Variants in RPTOR observed in about 807,000 individuals in gnomAD.
RPTOR encodes the protein regulatory associated protein of MTOR complex 1, also known as regulatory-associated protein of mTOR.
Under a neutral mutation model 169.9 loss-of-function variants are expected in RPTOR, and 21 were observed. That is an observed-to-expected ratio of 0.12 (90% confidence interval 0.09 to 0.18). The LOEUF (loss-of-function observed/expected upper bound fraction) is 0.18, where lower values mean the gene tolerates loss of function less well. Among genes scored for constraint, RPTOR ranks in the 10% least tolerant of loss-of-function variants. The pLI is 1.00. For synonymous variants in RPTOR, 732 were observed against 753.2 expected (o/e 0.97, Z 0.46); for missense variants, 1,133 against 1,855.9 (o/e 0.61, Z 7.16).
At chr17:80,815,685 A>G (rs891785399) in intron 7 of RPTOR, among the ~76,000 whole-genome samples, 2 of 152,284 alleles carry the variant, frequency 1.3e-5, no homozygotes, top group African/African-American at 4.8e-5. Flanking sequence ...CAGAAAATTA[A>G]CAGTGGAACA....
chr17:80,948,677 C>T (rs2138124), intron 27 of RPTOR: 51,095 of 152,412 alleles, frequency 0.34, 9,881 homozygotes, highest in East Asian at 0.55. Context: ...GAGGTGAGGC[C>T]GTCGTCCACC....
chr17:80,621,686 C>T (rs1395269377), intron 1 of RPTOR, among the ~76,000 whole-genome samples: 3 of 152,214 alleles, frequency 2.0e-5, no homozygotes, highest in African/African-American at 2.4e-5. Flanking sequence ...GTGGACTGTG[C>T]GTCTACACTG....
chr17:80,927,277 G>A (rs1184479934), intron 24 of RPTOR, among the ~76,000 whole-genome samples: 1 of 152,160 alleles, frequency 6.6e-6, no homozygotes, highest in Non-Finnish European at 1.5e-5. Flanking sequence ...ATGCGGTCTC[G>A]TGCTTAAGGC....
At chr17:80,685,692 C>T (rs534890921) in intron 3 of RPTOR, among the ~76,000 whole-genome samples, 53 of 115,746 alleles carry the variant, frequency 4.6e-4, no homozygotes, top group African/African-American at 1.8e-3. Context: ...TTGCCATTTG[C>T]CTCATGGAAT....
At chr17:80,778,129 A>T (rs1158233282) in intron 6 of RPTOR, among the ~76,000 whole-genome samples, 1 of 152,220 alleles carries the variant, frequency 6.6e-6, no homozygotes, top group African/African-American at 2.4e-5. Flanking sequence ...TGGATTAATC[A>T]AATTACCAAC....
At chr17:80,691,295 G>A (rs1421387501) in intron 3 of RPTOR, among the ~76,000 whole-genome samples, 9 of 109,954 alleles carry the variant, frequency 8.2e-5, no homozygotes, top group South Asian at 4.3e-4. Flanking sequence ...TGTGCATGTC[G>A]TGTGTGTGTG....
rs554157387 is a variant in RPTOR, at chr17:80,660,129, G to A, written c.348+16319G>A. Among the ~76,000 whole-genome samples, 9 of 152,162 alleles carry A rather than the reference G, an allele frequency of 5.9e-5. No individual in the cohort carries two copies. The East Asian group carries it at 1.7e-3, about 30-fold the overall frequency. On this transcript the variant is annotated intron_variant, in intron 3 of 33. Transcript: ENST00000306801. Reference sequence around the variant, plus strand: ...CTACTAAAAATGCAAAAATTAGCTGGGCATGGTGGTGGGCGCCTGTAATCC... The same window carrying A: ...CTACTAAAAATGCAAAAATTAGCTGAGCATGGTGGTGGGCGCCTGTAATCC...
At position 80,659,814 on chromosome 17, in the gene RPTOR, T is replaced by A. The variant is rs1431140575; in HGVS notation, c.348+16004T>A. On this transcript the variant is annotated intron_variant, in intron 3 of 33. Coordinates refer to ENST00000306801, the MANE Select transcript of RPTOR (RefSeq NM_020761.3). This position sits in a 1 kb window ranked among gnomAD's most constrained non-coding sequence, Gnocchi z 4.3. Reference sequence around the variant, plus strand: ...ACTGCGCCCGGACCATCTGGCTAATTTAAAAAATTTTTTTGTAGAGATAAG... The same window carrying A: ...ACTGCGCCCGGACCATCTGGCTAATATAAAAAATTTTTTTGTAGAGATAAG... 6.6e-6 allele frequency among the ~76,000 whole-genome samples: 1 copy of A among 152,158 alleles called. No individual in the cohort carries two copies. Among genetic ancestry groups the A allele is most frequent in the Non-Finnish European group, 1.5e-5 (1 of 68,016 alleles).
Position 80,790,586 on chromosome 17 carries a change from C to T in RPTOR, c.831-864C>T, listed in dbSNP as rs565327115. 2.0e-4 allele frequency among the ~76,000 whole-genome samples: 30 copies of T among 152,322 alleles called. No homozygotes were observed. The East Asian group carries it at 2.9e-3, about 15-fold the overall frequency. On this transcript the variant is annotated intron_variant, in intron 6 of 33. Transcript: ENST00000306801. ...GAGTCACTGCCACGTCTCCCCCGAA[C>T]GTGCCTGACCCTTGCACTGCACCCT...
intron 6 of RPTOR, among the ~76,000 whole-genome samples, chr17:80,786,326 A>G (rs1327893691): frequency 6.6e-6 from 1 of 152,182 alleles, no homozygotes; most frequent in Non-Finnish European, 1.5e-5. Flanking sequence ...TGGTAAATAC[A>G]TGTGGGTTTT....
intron 9 of RPTOR, among the ~76,000 whole-genome samples, chr17:80,832,980 C>T (rs999060375): frequency 2.6e-5 from 4 of 152,200 alleles, no homozygotes; most frequent in Admixed American, 6.5e-5. Context: ...GTAATGAATA[C>T]TCAGAGCCGG....
At chr17:80,711,762 A>AGAC (rs1567870192) in intron 4 of RPTOR, among the ~76,000 whole-genome samples, 1 of 18,322 alleles carries the variant, frequency 5.5e-5, no homozygotes. Context: ...TTTTTTTTTG[A>AGAC]GGTTAAGTCT....
Position 80,763,651 on chromosome 17 carries a change from A to C in RPTOR, c.830+9466A>C, listed in dbSNP as rs532394064. On this transcript the variant is annotated intron_variant, in intron 6 of 33. Coordinates refer to ENST00000306801, the MANE Select transcript of RPTOR (RefSeq NM_020761.3). Reference sequence around the variant, plus strand: ...CAGAGGCACACAGGACCATACATCCAACAGGGAATGTGGACATATGTGGAC... The same window carrying C: ...CAGAGGCACACAGGACCATACATCCCACAGGGAATGTGGACATATGTGGAC... 6.6e-5 allele frequency among the ~76,000 whole-genome samples: 10 copies of C among 152,368 alleles called. No individual in the cohort carries two copies. In the South Asian group the frequency reaches 2.1e-3, roughly 32 times the overall value.
chr17:80,911,240 A>C (rs1186129314), intron 21 of RPTOR, among the ~76,000 whole-genome samples: 2 of 152,098 alleles, frequency 1.3e-5, no homozygotes, highest in African/African-American at 4.8e-5. Context: ...GGACTCTGCC[A>C]CTTCCTTCGT....
chr17:80,625,920 C>T (rs1172941355), intron 2 of RPTOR, 127 bp downstream of exon 2: 5 of 658,386 alleles, frequency 7.6e-6, no homozygotes, highest in Non-Finnish European at 1.4e-5. Context: ...AGGGGTTTTT[C>T]TTTCTGGAGT....
At chr17:80,747,488 A>G (rs1363627044) in intron 5 of RPTOR, among the ~76,000 whole-genome samples, 2 of 152,216 alleles carry the variant, frequency 1.3e-5, no homozygotes, top group East Asian at 3.8e-4. Flanking sequence ...GTTTCTGTCA[A>G]TGATCACACT....
intron 1 of RPTOR, among the ~76,000 whole-genome samples, chr17:80,583,753 G>T (rs965426634): frequency 2.0e-5 from 3 of 152,218 alleles, no homozygotes; most frequent in African/African-American, 7.2e-5. Flanking sequence ...GAGTAGAAAC[G>T]AGAATGCACC....
At chr17:80,675,602 C>T (rs186198549) in intron 3 of RPTOR, among the ~76,000 whole-genome samples, 1 of 152,334 alleles carries the variant, frequency 6.6e-6, no homozygotes, top group Admixed American at 6.5e-5. Flanking sequence ...TGCCTCCTGC[C>T]CCTCAGGCCG....
At chr17:80,573,648 C>T (rs1373891523) in intron 1 of RPTOR, among the ~76,000 whole-genome samples, 4 of 152,084 alleles carry the variant, frequency 2.6e-5, no homozygotes, top group African/African-American at 7.2e-5. Flanking sequence ...CATCAGGAGC[C>T]CTGGCAGCCA....
Sources: gnomAD v4.1 joint callset for allele counts (sites outside exome capture counted in the v4.1 genomes callset) on GRCh38, gnomAD v4.1.1 for gene constraint, Gnocchi (gnomAD v3.1) non-coding constraint, MANE v1.5 for transcripts, NCBI Gene and HGNC (gene_info 2026-07-23, HGNC 2026-07-21) for gene names.